The following SAMMSON variants were observed in gnomAD, a reference collection of about 807,000 sequenced individuals.
SAMMSON encodes the protein survival associated mitochondrial melanoma specific oncogenic non-coding RNA, also known as long intergenic non-protein coding RNA 1212.
intron 4 of SAMMSON, among the ~76,000 whole-genome samples, chr3:70,101,815 C>G (rs565564383): frequency 3.9e-5 from 6 of 152,188 alleles, no homozygotes; most frequent in African/African-American, 1.4e-4. Context: ...GCTGAAAAAT[C>G]AATTAATAAC....
At position 70,345,359 on chromosome 3, in the gene SAMMSON, G is replaced by T. The variant is rs575270488; in HGVS notation, n.740-8816G>T. 3.3e-5 allele frequency among the ~76,000 whole-genome samples: 5 copies of T among 152,222 alleles called. No homozygotes were observed. The South Asian group carries it at 1.0e-3, about 32-fold the overall frequency. On this transcript the variant is annotated intron_variant and non_coding_transcript_variant, in intron 7 of 9. Coordinates refer to ENST00000642114, the Ensembl canonical transcript of SAMMSON. Reference sequence around the variant, plus strand: ...TTTGCCCTTAATCTTACAGATTCCAGGTATTTTCAGTGTTACTTAGATCAG... The same window carrying T: ...TTTGCCCTTAATCTTACAGATTCCATGTATTTTCAGTGTTACTTAGATCAG...
intron 7 of SAMMSON, among the ~76,000 whole-genome samples, chr3:70,295,486 T>C (rs1488218520): frequency 2.0e-5 from 3 of 152,106 alleles, no homozygotes; most frequent in African/African-American, 7.2e-5. Flanking sequence ...GATAATCACT[T>C]GAGGCCAGGA....
At chr3:70,327,487 C>T (rs187180670) in intron 7 of SAMMSON, among the ~76,000 whole-genome samples, 67 of 152,160 alleles carry the variant, frequency 4.4e-4, no homozygotes, top group Admixed American at 2.4e-3. Flanking sequence ...AATTTGGGGA[C>T]GCTAAGGCAG....
intron 4 of SAMMSON, among the ~76,000 whole-genome samples, chr3:70,216,074 C>T (rs1701408876): frequency 1.3e-5 from 2 of 151,876 alleles, no homozygotes; most frequent in Admixed American, 1.3e-4. Flanking sequence ...ATTTTAAACA[C>T]ATTGTTATAT....
chr3:70,309,765 T>C (rs138288308), intron 7 of SAMMSON, among the ~76,000 whole-genome samples: 1 of 152,334 alleles, frequency 6.6e-6, no homozygotes, highest in African/African-American at 2.4e-5. Flanking sequence ...CTGGCTCAAT[T>C]TCCTTTTATG....
At chr3:70,272,413 G>A (rs954154675) in intron 6 of SAMMSON, 1 of 152,154 alleles carries the variant, frequency 6.6e-6, no homozygotes, top group Non-Finnish European at 1.5e-5. Context: ...TAATGCTTTT[G>A]AGGTTCATCC....
intron 3 of SAMMSON, among the ~76,000 whole-genome samples, chr3:70,022,426 C>CAAAA (rs60455629): frequency 4.8e-4 from 44 of 91,118 alleles, no homozygotes; most frequent in Non-Finnish European, 6.3e-4. Flanking sequence ...AGTATAATAA[C>CAAAA]AAAAAAAAAA....
At chr3:70,016,375 A>G (rs546238771) in intron 3 of SAMMSON, among the ~76,000 whole-genome samples, 27 of 151,262 alleles carry the variant, frequency 1.8e-4, no homozygotes, top group African/African-American at 6.5e-4. Context: ...TTGAGAAGAC[A>G]TTGAGATCCT....
In SAMMSON at chr3:70,400,032, G is replaced by C. The variant is rs1461423825; in HGVS notation, n.233+41708G>C. On this transcript the variant is annotated intron_variant and non_coding_transcript_variant, in intron 2 of 3. Coordinates refer to the SAMMSON transcript ENST00000641053. Reference sequence around the variant, plus strand: ...TGTGATTATATTGTGTGAAAATAGTGGCATATTATTTTTGCTTTCATAATA... The same window carrying C: ...TGTGATTATATTGTGTGAAAATAGTCGCATATTATTTTTGCTTTCATAATA... 4.0e-5 allele frequency among the ~76,000 whole-genome samples: 6 copies of C among 151,508 alleles called. No individual in the cohort carries two copies. In the Middle Eastern group the frequency reaches 0.014, roughly 344 times the overall value.
At position 70,383,732 on chromosome 3, in the gene SAMMSON, T is replaced by A. The variant is rs1001565402; in HGVS notation, n.914-5842T>A. On this transcript the variant is annotated intron_variant and non_coding_transcript_variant, in intron 9 of 9. Coordinates refer to ENST00000642114, the Ensembl canonical transcript of SAMMSON. The stretch of plus-strand genomic sequence containing the variant: ...TGGAGGTTGAAGCAGTATCTAAATA[T>A]AGCATGTAAAAAGCCTTAGGCTAAC... Among the ~76,000 whole-genome samples the A allele has an allele frequency of 2.6e-5, 4 of 152,010 alleles. No individual in the cohort carries two copies. The South Asian group carries it at 8.3e-4, about 31-fold the overall frequency.
chr3:70,019,270 A>G (rs1347011067), intron 3 of SAMMSON, among the ~76,000 whole-genome samples: 2 of 152,082 alleles, frequency 1.3e-5, no homozygotes, highest in East Asian at 1.9e-4. Flanking sequence ...GTGCTCCTGT[A>G]TTGGGTGCAT....
chr3:70,226,914 A>T (rs569122567), intron 4 of SAMMSON, among the ~76,000 whole-genome samples: 1 of 152,224 alleles, frequency 6.6e-6, no homozygotes, highest in Admixed American at 6.5e-5. Flanking sequence ...ATTCTGATGA[A>T]GCTTTTGATC....
chr3:70,028,493 T>C (rs534731786), intron 3 of SAMMSON, among the ~76,000 whole-genome samples: 16 of 152,198 alleles, frequency 1.1e-4, no homozygotes, highest in Admixed American at 5.9e-4. Flanking sequence ...GATTTGTGGG[T>C]AGGTGGCAAA....
chr3:70,073,033 C>T (rs2067235968), intron 4 of SAMMSON, among the ~76,000 whole-genome samples: 1 of 151,960 alleles, frequency 6.6e-6, no homozygotes, highest in Non-Finnish European at 1.5e-5. Context: ...CAAATTGTCT[C>T]ACAGAGAATT....
intron 9 of SAMMSON, among the ~76,000 whole-genome samples, chr3:70,367,819 C>T (rs1424893821): frequency 1.3e-5 from 2 of 151,542 alleles, no homozygotes; most frequent in Admixed American, 1.3e-4. Context: ...TTCATAATGG[C>T]TGTACTAATT....
chr3:70,267,674 C>T (rs1412765523), intron 6 of SAMMSON, among the ~76,000 whole-genome samples: 1 of 151,148 alleles, frequency 6.6e-6, no homozygotes, highest in African/African-American at 2.4e-5. Flanking sequence ...CCTCGGCCTC[C>T]CAGAGTGCTG....
intron 2 of SAMMSON, among the ~76,000 whole-genome samples, chr3:70,403,369 G>A (rs755519259): frequency 5.3e-5 from 8 of 152,158 alleles, no homozygotes; most frequent in African/African-American, 1.4e-4. Context: ...ATGGATTAAC[G>A]TGAAAAGAGT....
At chr3:70,122,638 A>G (rs77102608) in intron 4 of SAMMSON, among the ~76,000 whole-genome samples, 2 of 151,960 alleles carry the variant, frequency 1.3e-5, no homozygotes, top group Non-Finnish European at 2.9e-5. Context: ...AGTGAAAAAA[A>G]CATGTTTTTT....
At chr3:70,150,572 T>C (rs2106686774) in intron 4 of SAMMSON, among the ~76,000 whole-genome samples, 1 of 152,160 alleles carries the variant, frequency 6.6e-6, no homozygotes, top group African/African-American at 2.4e-5. Flanking sequence ...TGGCCCCAAA[T>C]ACCATATGTT....
Sources: allele counts gnomAD v4.1 joint callset (sites outside exome capture counted in the v4.1 genomes callset), GRCh38; gene constraint gnomAD v4.1.1; transcripts MANE v1.5; gene names NCBI Gene and HGNC (gene_info 2026-07-23, HGNC 2026-07-21).